RPTOR: variants seen among roughly 807,000 people sequenced by gnomAD.
RPTOR encodes regulatory-associated protein of mTOR.
In RPTOR, 21 loss-of-function variants were observed where a neutral mutation model predicts 169.9. That is an observed-to-expected ratio of 0.12 (90% CI 0.09 to 0.18). RPTOR has a LOEUF of 0.18. Ranked by LOEUF, RPTOR falls within the 10% of genes least tolerant of loss-of-function variation. The pLI is 1.00. For missense variants in RPTOR, 1,133 were observed against 1,855.9 expected (o/e 0.61, Z 7.16); for synonymous variants, 732 against 753.2 (o/e 0.97, Z 0.46).
At chr17:80,756,431 G>C (rs1045709861) in intron 6 of RPTOR, among the ~76,000 whole-genome samples, 2 of 152,218 alleles carry the variant, frequency 1.3e-5, no homozygotes, top group African/African-American at 4.8e-5. Context: ...TAGTAGAGTA[G>C]GGAGATTACG....
At chr17:80,761,325 A>C (rs1351659547) in intron 6 of RPTOR, among the ~76,000 whole-genome samples, 1 of 152,244 alleles carries the variant, frequency 6.6e-6, no homozygotes, top group Non-Finnish European at 1.5e-5. Flanking sequence ...TGAAAATGAT[A>C]AACATTATTT....
At chr17:80,829,473 C>A (rs113387111) in intron 9 of RPTOR, among the ~76,000 whole-genome samples, 1 of 152,212 alleles carries the variant, frequency 6.6e-6, no homozygotes, top group Non-Finnish European at 1.5e-5. Context: ...TGATATCTAA[C>A]GTGGCATTAA....
At chr17:80,917,230 G>A (rs11650768) in intron 21 of RPTOR, among the ~76,000 whole-genome samples, 6 of 150,862 alleles carry the variant, frequency 4.0e-5, no homozygotes, top group African/African-American at 7.3e-5. Flanking sequence ...CTGCTGCCTC[G>A]GCTTCCCATG....
intron 3 of RPTOR, among the ~76,000 whole-genome samples, chr17:80,685,623 A>ATT (rs1252692300): frequency 6.8e-4 from 18 of 26,606 alleles, no homozygotes; most frequent in South Asian, 1.8e-3. Context: ...ATATATATAT[A>ATT]TATATTTTTT....
intron 29 of RPTOR, among the ~76,000 whole-genome samples, chr17:80,958,823 C>T (rs1046714420): frequency 3.0e-4 from 45 of 152,196 alleles, no homozygotes; most frequent in Admixed American, 2.7e-3. Context: ...CTAAGCAGGC[C>T]GCGCTCAGCA....
In RPTOR at chr17:80,665,341, TC is replaced by T. The variant is rs1567845891; in HGVS notation, c.348+21533del. Among the ~76,000 whole-genome samples, 6 of 5,270 alleles carry T rather than the reference TC, an allele frequency of 1.1e-3. 1 individual carries two copies. The highest frequency in any genetic ancestry group is 0.011 in the African/African-American group (5 of 474). 3.5% of individuals were successfully genotyped at this position (5,270 alleles called of 152,430 possible). A position where few individuals can be genotyped will look rare whatever the true frequency, so the allele number is the denominator to read the frequency against. On this transcript the variant is annotated intron_variant, in intron 3 of 33. Transcript: ENST00000306801. ...TTTTTCTTTTCTTTTCCCTTTCCTTTCCTTTCCTTTCCTTTCCTTTCCTTTC... is the reference window on the plus strand; with the variant it reads ...TTTTTCTTTTCTTTTCCCTTTCCTTTCTTTCCTTTCCTTTCCTTTCCTTTC...
intron 7 of RPTOR, among the ~76,000 whole-genome samples, chr17:80,811,548 G>A (rs536459068): frequency 1.3e-5 from 2 of 151,882 alleles, no homozygotes; most frequent in Non-Finnish European, 2.9e-5. Flanking sequence ...CTCCAACAAG[G>A]CCTAAACCTC....
intron 5 of RPTOR, among the ~76,000 whole-genome samples, chr17:80,742,609 C>CCACA (rs906020574): frequency 2.6e-5 from 4 of 151,322 alleles, no homozygotes; most frequent in South Asian, 2.1e-4. Context: ...TGCATAGATG[C>CCACA]CACACACATA....
intron 10 of RPTOR, among the ~76,000 whole-genome samples, chr17:80,840,629 T>C (rs1243133147): frequency 2.3e-5 from 1 of 42,594 alleles, no homozygotes; most frequent in Non-Finnish European, 5.9e-5. Flanking sequence ...CACAGCTCAC[T>C]CTCACCGCAC....
intron 3 of RPTOR, among the ~76,000 whole-genome samples, chr17:80,674,824 A>G (rs1567851486): frequency 7.9e-6 from 1 of 126,756 alleles, no homozygotes; most frequent in Non-Finnish European, 1.7e-5. Context: ...AAAAAAAAAA[A>G]ACAACTTCTC....
Position 80,923,574 on chromosome 17 carries a change from T to C in RPTOR, c.2709T>C (p.Ser903=), listed in dbSNP as rs141707649. Residue 903 remains serine, a synonymous_variant, in exon 23 of 34, where the codon TCT becomes TCC. Coordinates refer to ENST00000306801, the MANE Select transcript of RPTOR (RefSeq NM_020761.3). Reference sequence around the variant, plus strand: ...AGCCGGTCAGCCGAGACTTGCCTTCTGGCCGGCCGGGCACCACAGGCCCCG... The same window carrying C: ...AGCCGGTCAGCCGAGACTTGCCTTCCGGCCGGCCGGGCACCACAGGCCCCG... The part of the protein sequence containing the change: ...AKQPVSRDLP[S]GRPGTTGPAG... 3.0e-4 allele frequency: 487 copies of C among 1,613,382 alleles called. 2 individuals are homozygous for C. Among genetic ancestry groups the C allele is most frequent in the Non-Finnish European group, 6.3e-5 (74 of 1,179,992 alleles).
Position 80,960,456 on chromosome 17 carries a change from C to T in RPTOR, c.3605+251C>T, listed in dbSNP as rs1428315952. Among the ~76,000 whole-genome samples the T allele has an allele frequency of 6.6e-6, 1 of 152,260 alleles. No individual in the cohort carries two copies. The highest frequency in any genetic ancestry group is 1.9e-4 in the East Asian group (1 of 5,202). On this transcript the variant is annotated intron_variant, in intron 30 of 33. Coordinates refer to ENST00000306801, the MANE Select transcript of RPTOR (RefSeq NM_020761.3). This position sits in a 1 kb window ranked among gnomAD's most constrained non-coding sequence, Gnocchi z 4.8. ...ACAGCCTATGGAGGAGCACAGGGGA[C>T]AGGCCATGTGGGATGAGCCAGTGGA...
At chr17:80,589,121 G>A (rs12946994) in intron 1 of RPTOR, among the ~76,000 whole-genome samples, 28,688 of 152,132 alleles carry the variant, frequency 0.19, 3,008 homozygotes, top group East Asian at 0.28. Context: ...TAATAATCAC[G>A]CCAGTCTATG....
chr17:80,698,227 G>A (rs552300187), intron 3 of RPTOR, among the ~76,000 whole-genome samples: 9 of 152,306 alleles, frequency 5.9e-5, no homozygotes, highest in South Asian at 4.1e-4. Flanking sequence ...CAGGTAGGCC[G>A]AGTGAGCAGG....
At chr17:80,838,838 G>A (rs1044773310) in intron 10 of RPTOR, among the ~76,000 whole-genome samples, 10 of 152,296 alleles carry the variant, frequency 6.6e-5, no homozygotes, top group African/African-American at 2.4e-4. Context: ...AAGTTTGGTC[G>A]TCTCCTCATT....
chr17:80,629,672 C>G (rs533642585), intron 2 of RPTOR, among the ~76,000 whole-genome samples: 1 of 151,270 alleles, frequency 6.6e-6, no homozygotes, highest in African/African-American at 2.4e-5. Context: ...TCCTGGGACT[C>G]AGCTCTCTAT....
In RPTOR at chr17:80,664,436, C is replaced by T. The variant is rs911128064; in HGVS notation, c.348+20626C>T. Reference sequence around the variant, plus strand: ...TGCTGCTGCTTCACCCTCTCCTCCTCGATGGCCTACCATCCTGCAGCCTCG... The same window carrying T: ...TGCTGCTGCTTCACCCTCTCCTCCTTGATGGCCTACCATCCTGCAGCCTCG... On this transcript the variant is annotated intron_variant, in intron 3 of 33. Coordinates refer to ENST00000306801, the MANE Select transcript of RPTOR (RefSeq NM_020761.3). 3.9e-4 allele frequency among the ~76,000 whole-genome samples: 60 copies of T among 152,182 alleles called. 1 individual carries two copies. The highest frequency in any genetic ancestry group is 2.0e-3 in the Admixed American group (30 of 15,272).
intron 10 of RPTOR, among the ~76,000 whole-genome samples, chr17:80,840,930 G>C (rs1303690977): frequency 9.3e-6 from 1 of 107,380 alleles, no homozygotes; most frequent in Non-Finnish European, 1.8e-5. Context: ...CCACACGGCA[G>C]CTCACTCTCT....
At chr17:80,930,402 C>A (rs200159261) in intron 24 of RPTOR, among the ~76,000 whole-genome samples, 8 of 14,224 alleles carry the variant, frequency 5.6e-4, no homozygotes, top group East Asian at 4.0e-3. Context: ...TCATTCTCAG[C>A]TCATCCCCAG....
Sources: gnomAD v4.1 joint callset for allele counts (sites outside exome capture counted in the v4.1 genomes callset) on GRCh38, gnomAD v4.1.1 for gene constraint, Gnocchi (gnomAD v3.1) non-coding constraint, MANE v1.5 for transcripts, NCBI Gene and HGNC (gene_info 2026-07-23, HGNC 2026-07-21) for gene names.